Variants in BCKDHB observed in about 807,000 individuals in gnomAD.
BCKDHB encodes 2-oxoisovalerate dehydrogenase subunit beta, mitochondrial.
A neutral mutation model predicts 48.5 loss-of-function variants in BCKDHB; 41 were observed. The observed-to-expected ratio is 0.85, with a 90% CI of 0.66 to 1.10. BCKDHB has a LOEUF of 1.10. Ranked by LOEUF, BCKDHB falls within the 50% of genes least tolerant of loss-of-function variation. The pLI, the probability that BCKDHB is intolerant of heterozygous loss-of-function variation, is 0.00. For missense variants in BCKDHB, 496 were observed against 494.2 expected (o/e 1.00, Z -0.03); for synonymous variants, 201 against 174.8 (o/e 1.15, Z -1.18).
chr6:80,159,902 A>G (rs962839789), intron 3 of BCKDHB, among the ~76,000 whole-genome samples: 4 of 152,230 alleles, frequency 2.6e-5, no homozygotes, highest in Admixed American at 6.5e-5. Context: ...ATTCAAATCT[A>G]GGTCCTGAGG....
chr6:80,405,756 G>A, the BCKDHB span, among the ~76,000 whole-genome samples: 6 of 152,034 alleles, frequency 3.9e-5, no homozygotes, highest in Non-Finnish European at 7.4e-5. Flanking sequence ...AGTTACAGCA[G>A]CTTATTTTAG....
the BCKDHB span, among the ~76,000 whole-genome samples, chr6:80,410,866 G>A: frequency 1.3e-5 from 2 of 152,086 alleles, no homozygotes; most frequent in Non-Finnish European, 2.9e-5. Flanking sequence ...AAGGTTTTTA[G>A]CTTCCTTGCA....
intron 6 of BCKDHB, among the ~76,000 whole-genome samples, chr6:80,172,499 A>G (rs775034775): frequency 5.3e-5 from 8 of 151,914 alleles, no homozygotes; most frequent in Non-Finnish European, 1.2e-4. Flanking sequence ...TTATTTTTCT[A>G]AGTATTCTAG....
At chr6:80,198,916 G>A (rs982941193) in intron 6 of BCKDHB, among the ~76,000 whole-genome samples, 2 of 152,112 alleles carry the variant, frequency 1.3e-5, no homozygotes, top group Non-Finnish European at 2.9e-5. Context: ...ATATCTAGAA[G>A]CAATACCCCA....
At chr6:80,228,885 G>A (rs893519439) in intron 8 of BCKDHB, among the ~76,000 whole-genome samples, 1 of 152,178 alleles carries the variant, frequency 6.6e-6, no homozygotes, top group African/African-American at 2.4e-5. Context: ...GAGATCCAGT[G>A]TGAGGGCCTG....
chr6:80,299,172 C>G (rs140134846), intron 9 of BCKDHB, among the ~76,000 whole-genome samples: 1 of 152,046 alleles, frequency 6.6e-6, no homozygotes, highest in South Asian at 2.1e-4. Context: ...TTAAGAGGGG[C>G]CTTTAACCCA....
At chr6:80,177,044 G>A (rs1191048960) in intron 6 of BCKDHB, among the ~76,000 whole-genome samples, 3 of 151,526 alleles carry the variant, frequency 2.0e-5, no homozygotes, top group Non-Finnish European at 4.4e-5. Flanking sequence ...GGGCAATATG[G>A]TAAAACCCTG....
intron 3 of BCKDHB, among the ~76,000 whole-genome samples, chr6:80,156,132 T>C (rs1772036396): frequency 6.6e-6 from 1 of 152,030 alleles, no homozygotes; most frequent in African/African-American, 2.4e-5. Context: ...ATGAATGTAT[T>C]CTGAGAGTTC....
At chr6:80,296,125 A>T (rs749245363) in intron 9 of BCKDHB, among the ~76,000 whole-genome samples, 1 of 152,106 alleles carries the variant, frequency 6.6e-6, no homozygotes, top group African/African-American at 2.4e-5. Flanking sequence ...TGAACATTTC[A>T]CCTGTCTATG....
intron 3 of BCKDHB, among the ~76,000 whole-genome samples, chr6:80,167,329 G>A (rs1051859344): frequency 2.6e-5 from 4 of 151,102 alleles, no homozygotes; most frequent in African/African-American, 9.8e-5. Context: ...TTAAATTAGT[G>A]TGACAGTTTT....
At chr6:80,443,524 G>A in the BCKDHB span, 1 of 152,166 alleles carries the variant, frequency 6.6e-6, no homozygotes, top group East Asian at 1.9e-4. Context: ...TCTTATTCAT[G>A]TTATCACTGA....
chr6:80,414,983 T>G, the BCKDHB span, among the ~76,000 whole-genome samples: 1 of 134,368 alleles, frequency 7.4e-6, no homozygotes, highest in African/African-American at 2.7e-5. Flanking sequence ...CCATCAGTAG[T>G]TGTGTTCTTA....
chr6:80,250,001 A>G (rs972467752), intron 8 of BCKDHB, among the ~76,000 whole-genome samples: 2 of 152,034 alleles, frequency 1.3e-5, no homozygotes, highest in Admixed American at 6.6e-5. Flanking sequence ...GGTTTTGCCC[A>G]TTTTCTTCAC....
At chr6:80,232,553 A>G (rs971321541) in intron 8 of BCKDHB, among the ~76,000 whole-genome samples, 1 of 151,080 alleles carries the variant, frequency 6.6e-6, no homozygotes, top group Non-Finnish European at 1.5e-5. Flanking sequence ...TATTCTCTCT[A>G]TAGCACATAT....
rs531795395 is a variant in BCKDHB at position 80,232,262 on chromosome 6, T to C, written c.951+29050T>C. Among the ~76,000 whole-genome samples the C allele has an allele frequency of 6.2e-4, 95 of 152,170 alleles. 1 individual carries two copies. The highest frequency in any genetic ancestry group is 2.0e-3 in the African/African-American group (82 of 41,524). ...GCTGGCTGTTTAGTCTAATGCACTATAGCACTTTCTTTAACCCTTTTTTTT... is the reference window on the plus strand; with the variant it reads ...GCTGGCTGTTTAGTCTAATGCACTACAGCACTTTCTTTAACCCTTTTTTTT... On this transcript the variant is annotated intron_variant, in intron 8 of 9. Transcript: ENST00000320393.
chr6:80,429,664 G>A, the BCKDHB span, among the ~76,000 whole-genome samples: 5 of 152,182 alleles, frequency 3.3e-5, no homozygotes, highest in South Asian at 1.0e-3. Flanking sequence ...TCATGATTTG[G>A]CTCTGTTTGT....
the BCKDHB span, among the ~76,000 whole-genome samples, chr6:80,382,190 A>G: frequency 2.5e-3 from 375 of 152,272 alleles, no homozygotes; most frequent in African/African-American, 8.2e-3. Context: ...CAACCATCAA[A>G]TCAGTTTAAT....
intron 8 of BCKDHB, among the ~76,000 whole-genome samples, chr6:80,235,018 G>T (rs367900146): frequency 6.6e-6 from 1 of 152,124 alleles, no homozygotes; most frequent in Non-Finnish European, 1.5e-5. Context: ...CAAATAGTAG[G>T]GGGAGTGGAG....
At chr6:80,155,073 T>C (rs963170439) in intron 3 of BCKDHB, among the ~76,000 whole-genome samples, 1 of 152,128 alleles carries the variant, frequency 6.6e-6, no homozygotes, top group East Asian at 1.9e-4. Context: ...AAGTAGCCCT[T>C]TTTAAAAGGA....
Sources: gnomAD v4.1 joint callset for allele counts (sites outside exome capture counted in the v4.1 genomes callset) on GRCh38, gnomAD v4.1.1 for gene constraint, MANE v1.5 for transcripts, NCBI Gene and HGNC (gene_info 2026-07-23, HGNC 2026-07-21) for gene names.